TRIM54: variants seen among roughly 807,000 people sequenced by gnomAD.
TRIM54 encodes the protein tripartite motif containing 54, also known as tripartite motif-containing protein 54.
TRIM54 carries 40 observed loss-of-function variants against 42.0 expected under a neutral mutation model. The observed-to-expected ratio is 0.95, with a 90% confidence interval of 0.74 to 1.24. The LOEUF (loss-of-function observed/expected upper bound fraction) is 1.24. TRIM54 is among the 50% of genes most tolerant of loss of function. The pLI is 0.00. For synonymous variants in TRIM54, 199 were observed against 194.9 expected, an observed-to-expected ratio of 1.02 and a Z score of -0.17; for missense variants, 485 against 480.3, an observed-to-expected ratio of 1.01 and a Z score of -0.09.
At chr2:27,289,459 GAC>G (rs1164718891) in intron 1 of TRIM54, among the ~76,000 whole-genome samples, 1 of 152,128 alleles carries the variant, frequency 6.6e-6, no homozygotes, top group Non-Finnish European at 1.5e-5. Context: ...TGGGATTACA[GAC>G]ACATGCCACC....
At chr2:27,303,877 AG>A (rs1411325511) in intron 3 of TRIM54, among the ~76,000 whole-genome samples, 72 of 152,206 alleles carry the variant, frequency 4.7e-4, no homozygotes, top group Admixed American at 4.7e-3. Flanking sequence ...TTTTAAAAAA[AG>A]ATGAAAAATT....
intron 3 of TRIM54, among the ~76,000 whole-genome samples, chr2:27,300,221 G>A (rs62130712): frequency 0.068 from 10,264 of 152,002 alleles, 415 homozygotes; most frequent in Non-Finnish European, 0.098. Context: ...GCCCAGGCTG[G>A]AGTGCAATGG....
rs949997854 is a variant in TRIM54, at chr2:27,304,238, A to G, written c.514-721A>G. ...AATATATATATATAGATAGATAGAT[A>G]GATAGATAGATATAGATATACAGAT... On this transcript the variant is annotated intron_variant, in intron 3 of 8. Transcript: ENST00000380075. 6.2e-5 allele frequency among the ~76,000 whole-genome samples: 9 copies of G among 145,960 alleles called. No homozygotes were observed. The East Asian group carries it at 1.8e-3, about 30-fold the overall frequency.
At chr2:27,283,070 A>G (rs879635045) in intron 1 of TRIM54, among the ~76,000 whole-genome samples, 171 bp downstream of exon 1, 2 of 152,208 alleles carry the variant, frequency 1.3e-5, no homozygotes, top group African/African-American at 2.4e-5. Flanking sequence ...TCCCAGAGCA[A>G]GCATGAGTCA....
intron 1 of TRIM54, among the ~76,000 whole-genome samples, chr2:27,284,086 T>G (rs1254669343): frequency 6.6e-6 from 1 of 152,004 alleles, no homozygotes; most frequent in Non-Finnish European, 1.5e-5. Flanking sequence ...TGAGCCGAGA[T>G]CATGCCACTG....
At chr2:27,298,842 G>C in intron 2 of TRIM54, 103 bp downstream of exon 2, 1 of 1,273,502 alleles carries the variant, frequency 7.9e-7, no homozygotes. Context: ...CAACCTGCCT[G>C]TTCTGTCTAG....
In TRIM54 at chr2:27,298,627, C is replaced by T. The variant is rs1160993843; in HGVS notation, c.229C>T (p.Arg77Cys). 3 of 1,614,044 alleles carry T rather than the reference C, an allele frequency of 1.9e-6. No homozygotes were observed. Among genetic ancestry groups the T allele is most frequent in the African/African-American group, 2.7e-5 (2 of 74,916 alleles). Residue 77 changes from arginine to cysteine, a missense_variant, in exon 2 of 9, where the codon CGC becomes TGC. Transcript: ENST00000380075. ...STTVSSGGRF[R>C]CPSCRHEVVL... ...CACTGTGTCTTCAGGAGGCCGTTTC[C>T]GCTGCCCATCGTGCAGGCATGAGGT...
At chr2:27,299,947 A>G (rs542299119) in intron 3 of TRIM54, among the ~76,000 whole-genome samples, 1 of 151,132 alleles carries the variant, frequency 6.6e-6, no homozygotes, top group Admixed American at 6.6e-5. Context: ...TGCTGGAATT[A>G]CAGGTGTGAG....
chr2:27,283,782 G>GTGCACA (rs1553379093), intron 1 of TRIM54, among the ~76,000 whole-genome samples: 5 of 86,342 alleles, frequency 5.8e-5, no homozygotes, highest in African/African-American at 1.9e-4. Flanking sequence ...ACACACACGC[G>GTGCACA]CGCACACACA....
intron 5 of TRIM54, 68 bp downstream of exon 5, chr2:27,305,885 C>T (rs1298126491): frequency 1.3e-5 from 18 of 1,427,728 alleles, no homozygotes; most frequent in East Asian, 7.5e-5. Context: ...CCTGGAGTCC[C>T]GGGTTCAAGT....
Position 27,295,468 on chromosome 2 carries a change from C to G in TRIM54, c.169-3099C>G, listed in dbSNP as rs183442915. On this transcript the variant is annotated intron_variant, in intron 1 of 8. Transcript: ENST00000380075. Reference sequence around the variant, plus strand: ...GATAACAGGCGCCTGCCACCGCACCCAGCTAATTTTTGTATTTTTAGTAGA... The same window carrying G: ...GATAACAGGCGCCTGCCACCGCACCGAGCTAATTTTTGTATTTTTAGTAGA... Among the ~76,000 whole-genome samples, 3 of 152,238 alleles carry G rather than the reference C, an allele frequency of 2.0e-5. No homozygotes were observed. The East Asian group carries it at 5.8e-4, about 29-fold the overall frequency.
At chr2:27,283,489 C>T (rs1329556167) in intron 1 of TRIM54, among the ~76,000 whole-genome samples, 1 of 151,788 alleles carries the variant, frequency 6.6e-6, no homozygotes, top group Non-Finnish European at 1.5e-5. Context: ...GTAAAGAGGC[C>T]TACTGGTTAA....
At chr2:27,283,768 A>ACGCGCGCGCGCGCGCG (rs1678459402) in intron 1 of TRIM54, among the ~76,000 whole-genome samples, 5 of 93,924 alleles carry the variant, frequency 5.3e-5, no homozygotes, top group Admixed American at 3.3e-4. Context: ...GCAAAGGCAC[A>ACGCGCGCGCGCGCGCG]CACACACACA....
Position 27,305,781 on chromosome 2 carries a change from G to A in TRIM54, c.807G>A (p.Gln269=). ...ASSKLVESAI[Q]SMEEPQMALY... The stretch of plus-strand genomic sequence containing the variant: ...CTAAGCTGGTGGAGTCTGCCATCCA[G>A]TCCATGGAAGAGCCACAAATGGCGC... The change falls in exon 5 of 9, where the codon CAG becomes CAA. Residue 269 remains glutamine (Q), a synonymous_variant. Coordinates refer to ENST00000380075, the MANE Select transcript of TRIM54 (RefSeq NM_187841.3). 6.2e-7 allele frequency: 1 copy of A among 1,609,912 alleles called. No homozygotes were observed. Among genetic ancestry groups the A allele is most frequent in the Non-Finnish European group, 8.5e-7 (1 of 1,178,100 alleles).
intron 1 of TRIM54, among the ~76,000 whole-genome samples, chr2:27,298,207 C>T (rs548866470): frequency 9.9e-5 from 15 of 152,228 alleles, no homozygotes; most frequent in Non-Finnish European, 1.3e-4. Context: ...AGACATTGGT[C>T]GCACCACTCA....
In TRIM54 at chr2:27,306,967, T is replaced by TCGGCGC; in HGVS notation, c.*87_*92dup. On this transcript the variant is annotated 3_prime_UTR_variant, in exon 9 of 9. Transcript: ENST00000380075. This position sits in a 1 kb window ranked among gnomAD's most constrained non-coding sequence, Gnocchi z 6.1. ...CGCAGAGACCGCAGCATCACCCAAA[T>TCGGCGC]CGGCGCCGGCCCCGGGAGGATCTCA... 2 of 241,704 alleles carry TCGGCGC rather than the reference T, an allele frequency of 8.3e-6. No individual in the cohort carries two copies. The highest frequency in any genetic ancestry group is 1.6e-5 in the Non-Finnish European group (2 of 124,476). 15.0% of individuals were successfully genotyped at this position (241,704 alleles called of 1,614,324 possible). A position where few individuals can be genotyped will look rare whatever the true frequency, so the allele number is the denominator to read the frequency against.
At chr2:27,294,829 G>A (rs977051343) in intron 1 of TRIM54, among the ~76,000 whole-genome samples, 1 of 140,288 alleles carries the variant, frequency 7.1e-6, no homozygotes, top group Non-Finnish European at 1.5e-5. Flanking sequence ...GATGGAGGTT[G>A]CAGTGAGCTG....
chr2:27,294,576 C>G (rs1252496615), intron 1 of TRIM54, among the ~76,000 whole-genome samples: 2 of 152,084 alleles, frequency 1.3e-5, no homozygotes, highest in Non-Finnish European at 2.9e-5. Context: ...TTTCCTCATC[C>G]TTGAAATGGG....
Position 27,306,654 on chromosome 2 carries a change from C to G in TRIM54, c.*1+112C>G. On this transcript the variant is annotated intron_variant, in intron 8 of 8. Transcript: ENST00000380075. This position sits in a 1 kb window ranked among gnomAD's most constrained non-coding sequence, Gnocchi z 6.1. ...CAGTGATTGCCCTCCCTGCGGGTAG[C>G]GTGGAGCCCCCACTCCTCGGTGCAA... The G allele has an allele frequency of 1.7e-6, 2 of 1,158,918 alleles. No homozygotes were observed. Among genetic ancestry groups the G allele is most frequent in the South Asian group, 1.6e-5 (1 of 62,296 alleles). The allele number at this position is 1,158,918 out of a possible 1,614,324, so 71.8% of individuals were successfully genotyped here.
Sources: gnomAD v4.1 joint callset for allele counts (sites outside exome capture counted in the v4.1 genomes callset) on GRCh38, gnomAD v4.1.1 for gene constraint, Gnocchi (gnomAD v3.1) non-coding constraint, MANE v1.5 for transcripts, NCBI Gene and HGNC (gene_info 2026-07-23, HGNC 2026-07-21) for gene names.